The following CNGB1 variants were observed in gnomAD, a reference collection of about 807,000 sequenced individuals.
CNGB1 encodes cyclic nucleotide-gated channel beta-1.
In CNGB1, 126 loss-of-function variants were observed where a neutral mutation model predicts 151.7. That is an observed-to-expected ratio of 0.83 (90% CI 0.72 to 0.96). The LOEUF (loss-of-function observed/expected upper bound fraction) is 0.96. Among genes scored for constraint, CNGB1 ranks in the 40% least tolerant of loss-of-function variants. The pLI is 0.00. For missense variants in CNGB1, 1,698 were observed against 1,627.0 expected (o/e 1.04, Z -0.75); for synonymous variants, 623 against 635.1 (o/e 0.98, Z 0.29).
intron 25 of CNGB1, among the ~76,000 whole-genome samples, chr16:57,911,352 G>A (rs1463294181): frequency 6.6e-6 from 1 of 152,142 alleles, no homozygotes; most frequent in Non-Finnish European, 1.5e-5. Context: ...GCAATGGCAC[G>A]ATCTCGGCTC....
At chr16:57,965,872 T>C (rs375054478) in intron 2 of CNGB1, among the ~76,000 whole-genome samples, 18 of 152,306 alleles carry the variant, frequency 1.2e-4, no homozygotes, top group East Asian at 7.7e-4. Context: ...CATTGTCATG[T>C]ATACCCATTG....
At chr16:57,939,629 T>C in intron 15 of CNGB1, 37 bp from the exon 16 acceptor site, 2 of 1,613,816 alleles carry the variant, frequency 1.2e-6, no homozygotes, top group Non-Finnish European at 1.7e-6. Flanking sequence ...ACTGTGACCA[T>C]CAGCCCCCAG....
intron 20 of CNGB1, 150 bp from the exon 21 acceptor site, chr16:57,917,626 A>C: frequency 1.6e-6 from 1 of 630,190 alleles, no homozygotes; most frequent in Non-Finnish European, 2.8e-6. Flanking sequence ...GTGTGTATAT[A>C]TACACACACA....
At chr16:57,913,195 C>A (rs1960779734) in intron 23 of CNGB1, among the ~76,000 whole-genome samples, 1 of 152,168 alleles carries the variant, frequency 6.6e-6, no homozygotes, top group Non-Finnish European at 1.5e-5. Flanking sequence ...AAAGTCATAG[C>A]CCGTCTTCCC....
intron 29 of CNGB1, among the ~76,000 whole-genome samples, chr16:57,899,807 G>T (rs914977683): frequency 1.2e-4 from 18 of 152,164 alleles, no homozygotes; most frequent in Non-Finnish European, 2.6e-4. Context: ...TTTCTGTTTA[G>T]TTTGACAAGA....
Position 57,950,267 on chromosome 16 carries a change from G to T in CNGB1, c.1034+114C>A. ...AGAAGGATGGCTGTATGAAGGCAGG[G>T]GGAAGCAGGCTTGGTTCCTGCTCTG... On this transcript the variant is annotated intron_variant, in intron 13 of 32. Transcript: ENST00000251102. The T allele has an allele frequency of 3.9e-6, 5 of 1,273,236 alleles. No homozygotes were observed. The South Asian group carries it at 6.0e-5, about 15-fold the overall frequency. 78.9% of individuals were successfully genotyped at this position (1,273,236 alleles called of 1,614,324 possible). A position where few individuals can be genotyped will look rare whatever the true frequency, so the allele number is the denominator to read the frequency against.
Position 57,920,584 on chromosome 16 carries a change from G to A in CNGB1, c.1644-40C>T, listed in dbSNP as rs1364214729. 5 of 1,604,860 alleles carry A rather than the reference G, an allele frequency of 3.1e-6. No homozygotes were observed. The East Asian group carries it at 1.1e-4, about 36-fold the overall frequency. Reference sequence around the variant, plus strand: ...CCCAAAGCTGAGCAGGCTGAGCCGGGAGGGACCTGTGCACCCCCAGGCCAG... The same window carrying A: ...CCCAAAGCTGAGCAGGCTGAGCCGGAAGGGACCTGTGCACCCCCAGGCCAG... On this transcript the variant is annotated intron_variant, in intron 18 of 32. Coordinates refer to ENST00000251102, the MANE Select transcript of CNGB1 (RefSeq NM_001297.5).
chr16:57,967,263 C>T lies in CNGB1; in HGVS notation c.24G>A (p.Val8=). MLGWVQR[V]LPQPPGTPRK... ...GAGGGGTCCCTGGGGGCTGAGGCAG[C>T]ACCCTCTGGACCCAGCCCAACATCC... Residue 8 remains valine (V), a synonymous_variant, in exon 2 of 33, where the codon GTG becomes GTA. Transcript: ENST00000251102. 1 of 1,614,216 alleles carries T rather than the reference C, an allele frequency of 6.2e-7. No homozygotes were observed. Among genetic ancestry groups the T allele is most frequent in the African/African-American group, 1.3e-5 (1 of 75,054 alleles).
chr16:57,904,106 A>C, intron 26 of CNGB1, 125 bp from the exon 27 acceptor site: 1 of 784,116 alleles, frequency 1.3e-6, no homozygotes. Flanking sequence ...GGGCGTTGGG[A>C]GGGGGGTAGG....
chr16:57,949,536 T>G (rs1961897823), intron 13 of CNGB1, 97 bp from the exon 14 acceptor site: 1 of 1,589,388 alleles, frequency 6.3e-7, no homozygotes. Context: ...CCATGACACC[T>G]GAGCCCAGAC....
chr16:57,969,897 TG>T (rs1353763016), intron 1 of CNGB1, among the ~76,000 whole-genome samples: 1 of 152,184 alleles, frequency 6.6e-6, no homozygotes, highest in Non-Finnish European at 1.5e-5. Flanking sequence ...CTCCCAGCCA[TG>T]GGCAACCCGG....
intron 16 of CNGB1, among the ~76,000 whole-genome samples, chr16:57,938,631 A>T (rs977181704): frequency 2.6e-5 from 4 of 151,652 alleles, no homozygotes; most frequent in Admixed American, 2.6e-4. Context: ...AGTGAAATGC[A>T]GGTCTGTGCC....
chr16:57,921,508 C>T (rs897404249), intron 18 of CNGB1, among the ~76,000 whole-genome samples: 8 of 152,156 alleles, frequency 5.3e-5, no homozygotes, highest in African/African-American at 1.7e-4. Flanking sequence ...AGGCGTGAGA[C>T]ACCGTGCCCG....
Position 57,882,692 on chromosome 16 carries a change from T to C in CNGB1, c.*1472A>G, listed in dbSNP as rs1241479573. ...TGGCCTAATACTAGAATACTAGATT[T>C]TGTTTTTAATCACTCACTCCCCCAA... On this transcript the variant is annotated 3_prime_UTR_variant, in exon 33 of 33. Coordinates refer to ENST00000251102, the MANE Select transcript of CNGB1 (RefSeq NM_001297.5). 1 of 152,218 alleles carries C rather than the reference T, an allele frequency of 6.6e-6. No individual in the cohort carries two copies. Among genetic ancestry groups the C allele is most frequent in the Non-Finnish European group, 1.5e-5 (1 of 68,034 alleles). The allele number at this position is 152,218 out of a possible 1,614,324, so 9.4% of individuals were successfully genotyped here. A position where few individuals can be genotyped will look rare whatever the true frequency, so the allele number is the denominator to read the frequency against.
chr16:57,884,160 C>T lies in CNGB1; in HGVS notation c.*4G>A. ...ACTGCGCGCGGGATCCGCCTCACCC[C>T]ACCTTACTCCGCCTTCTCCTCCCTT... On this transcript the variant is annotated 3_prime_UTR_variant, in exon 33 of 33. Transcript: ENST00000251102. The T allele has an allele frequency of 1.9e-6, 3 of 1,614,002 alleles. No individual in the cohort carries two copies. Among genetic ancestry groups the T allele is most frequent in the East Asian group, 2.2e-5 (1 of 44,858 alleles).
chr16:57,949,744 A>C (rs1961902843), intron 13 of CNGB1, among the ~76,000 whole-genome samples: 1 of 152,098 alleles, frequency 6.6e-6, no homozygotes, highest in African/African-American at 2.4e-5. Context: ...TCAGAACCCG[A>C]GACCTCCCAC....
chr16:57,884,002 C>A lies in CNGB1; in HGVS notation c.*162G>T, dbSNP rs1596940905. ...CCGCGAGGAGCTGAGTCGGGGCTGG[C>A]GTGCTGGCGGGACGGTCAGAGCTGC... On this transcript the variant is annotated 3_prime_UTR_variant, in exon 33 of 33. Coordinates refer to ENST00000251102, the MANE Select transcript of CNGB1 (RefSeq NM_001297.5). The A allele has an allele frequency of 9.3e-6, 9 of 967,140 alleles. No individual in the cohort carries two copies. Among genetic ancestry groups the A allele is most frequent in the East Asian group, 2.6e-5 (1 of 38,826 alleles). 59.9% of individuals were successfully genotyped at this position (967,140 alleles called of 1,614,324 possible).
At chr16:57,954,429 C>G (rs152139) in intron 12 of CNGB1, among the ~76,000 whole-genome samples, 1 of 151,978 alleles carries the variant, frequency 6.6e-6, no homozygotes, top group South Asian at 2.1e-4. Context: ...CCAGATTTTT[C>G]CATGTAAAGC....
At chr16:57,921,217 C>CTTTTTTTT (rs1185678390) in intron 18 of CNGB1, among the ~76,000 whole-genome samples, 1 of 90,142 alleles carries the variant, frequency 1.1e-5, no homozygotes, top group Non-Finnish European at 2.0e-5. Context: ...AAATGAGGCT[C>CTTTTTTTT]TTTTTTTTTT....
Sources: gnomAD v4.1 joint callset for allele counts (sites outside exome capture counted in the v4.1 genomes callset) on GRCh38, gnomAD v4.1.1 for gene constraint, MANE v1.5 for transcripts, NCBI Gene and HGNC (gene_info 2026-07-23, HGNC 2026-07-21) for gene names.